Variants in EGLN1 observed in about 807,000 individuals in gnomAD.
EGLN1 encodes the protein egl nine homolog 1.
Under a neutral mutation model 38.3 loss-of-function variants are expected in EGLN1, and 17 were observed. That is an observed-to-expected ratio of 0.44 (90% confidence interval 0.30 to 0.67). The LOEUF (loss-of-function observed/expected upper bound fraction) is 0.67, where lower values mean the gene tolerates loss of function less well. Among genes scored for constraint, EGLN1 ranks in the 30% least tolerant of loss-of-function variants. The probability of loss-of-function intolerance (pLI) is 0.08; values close to 1 mark genes in which losing one functional copy is unlikely to be tolerated. For missense variants in EGLN1, 477 were observed against 603.3 expected, an observed-to-expected ratio of 0.79 and a Z score of 2.19; for synonymous variants, 283 against 257.5, an observed-to-expected ratio of 1.10 and a Z score of -0.95.
At chr1:231,381,072 A>C (rs983765192) in intron 1 of EGLN1, among the ~76,000 whole-genome samples, 4 of 151,990 alleles carry the variant, frequency 2.6e-5, no homozygotes, top group African/African-American at 9.7e-5. Context: ...ACACCTGGCT[A>C]ATTTTTTAAT....
chr1:231,389,448 CA>C (rs1471343985), intron 1 of EGLN1, among the ~76,000 whole-genome samples: 1 of 152,016 alleles, frequency 6.6e-6, no homozygotes, highest in African/African-American at 2.4e-5. Context: ...AAAATAGTGA[CA>C]GCAATATCCA....
intron 1 of EGLN1, among the ~76,000 whole-genome samples, chr1:231,410,722 A>G (rs1281441445): frequency 6.6e-6 from 1 of 152,068 alleles, no homozygotes; most frequent in Non-Finnish European, 1.5e-5. Context: ...GTTGAGGAAA[A>G]AAAGAAAACT....
chr1:231,396,926 ACT>A (rs151186750), intron 1 of EGLN1, among the ~76,000 whole-genome samples: 2 of 152,036 alleles, frequency 1.3e-5, no homozygotes, highest in South Asian at 4.2e-4. Context: ...AATCTGTATA[ACT>A]CTCTCTACCT....
At chr1:231,396,066 T>G (rs1291847770) in intron 1 of EGLN1, among the ~76,000 whole-genome samples, 1 of 151,970 alleles carries the variant, frequency 6.6e-6, no homozygotes. Flanking sequence ...ATAAATGTCT[T>G]TTAGTTCCAA....
At chr1:231,416,761 TCA>T (rs1323618819) in intron 1 of EGLN1, among the ~76,000 whole-genome samples, 3 of 152,220 alleles carry the variant, frequency 2.0e-5, no homozygotes, top group Non-Finnish European at 4.4e-5. Context: ...CAAAATGTTT[TCA>T]CATATAGTTG....
intron 1 of EGLN1, among the ~76,000 whole-genome samples, chr1:231,375,494 C>A (rs1362462215): frequency 6.6e-6 from 1 of 152,180 alleles, no homozygotes; most frequent in Non-Finnish European, 1.5e-5. Flanking sequence ...AACTCACTTC[C>A]CATCCCTAAG....
chr1:231,408,839 G>A (rs576401), intron 1 of EGLN1, among the ~76,000 whole-genome samples: 22,630 of 151,968 alleles, frequency 0.15, 2,058 homozygotes, highest in African/African-American at 0.24. Flanking sequence ...CAAGTTAGAG[G>A]ACCTTCTCAC....
intron 1 of EGLN1, among the ~76,000 whole-genome samples, chr1:231,377,383 GT>G (rs1432644469): frequency 6.6e-6 from 1 of 152,214 alleles, no homozygotes; most frequent in Non-Finnish European, 1.5e-5. Flanking sequence ...AGCTATTAAA[GT>G]TTCCGGGCAA....
chr1:231,369,713 C>A, intron 3 of EGLN1: 11 of 485,850 alleles, frequency 2.3e-5, no homozygotes, highest in Non-Finnish European at 2.9e-5. Flanking sequence ...CTCCACCCAG[C>A]GCATCTAAGC....
chr1:231,419,065 T>G, intron 1 of EGLN1, among the ~76,000 whole-genome samples: 1 of 152,150 alleles, frequency 6.6e-6, no homozygotes, highest in East Asian at 1.9e-4. Flanking sequence ...AGAAGTACAA[T>G]GAAAGGAATT....
At chr1:231,408,148 T>C (rs1041127956) in intron 1 of EGLN1, among the ~76,000 whole-genome samples, 4 of 152,172 alleles carry the variant, frequency 2.6e-5, no homozygotes, top group Non-Finnish European at 4.4e-5. Flanking sequence ...GTATAAAAGG[T>C]TTTTGAGAAA....
In EGLN1 at chr1:231,364,335, A is replaced by C. The variant is rs946707540; in HGVS notation, c.*2076T>G. On this transcript the variant is annotated 3_prime_UTR_variant, in exon 5 of 5. Transcript: ENST00000366641. ...AAACAATTTCTACTAACCCTAAAAA[A>C]GATAATGCTTTTGAGTTGTGGCCTA... The C allele has an allele frequency of 6.6e-6, 1 of 152,212 alleles. No homozygotes were observed. Among genetic ancestry groups the C allele is most frequent in the Non-Finnish European group, 1.5e-5 (1 of 68,042 alleles). 9.4% of individuals were successfully genotyped at this position (152,212 alleles called of 1,614,324 possible).
intron 1 of EGLN1, among the ~76,000 whole-genome samples, chr1:231,386,258 T>TTC (rs1273711174): frequency 6.6e-6 from 1 of 152,210 alleles, no homozygotes; most frequent in African/African-American, 2.4e-5. Context: ...AGAACTCTAG[T>TTC]TCACAGCATT....
At chr1:231,415,478 A>T (rs1009932445) in intron 1 of EGLN1, among the ~76,000 whole-genome samples, 1 of 152,136 alleles carries the variant, frequency 6.6e-6, no homozygotes, top group Admixed American at 6.6e-5. Context: ...AATGCAGGAA[A>T]AGTGGTTAGG....
At position 231,422,284 on chromosome 1, in the gene EGLN1, C is replaced by G. The variant is rs950943926; in HGVS notation, c.-396G>C. 6.5e-6 allele frequency: 1 copy of G among 153,228 alleles called. No individual in the cohort carries two copies. The highest frequency in any genetic ancestry group is 1.4e-5 in the Non-Finnish European group (1 of 69,142). 9.5% of individuals were successfully genotyped at this position (153,228 alleles called of 1,614,324 possible). On this transcript the variant is annotated 5_prime_UTR_variant, in exon 1 of 5. Transcript: ENST00000366641. Reference sequence around the variant, plus strand: ...GCAGGGCATACGGGCGCCACTCGCTCTGCGCGCTCTGCACGTACACCACGG... The same window carrying G: ...GCAGGGCATACGGGCGCCACTCGCTGTGCGCGCTCTGCACGTACACCACGG...
chr1:231,406,029 CTTTT>C (rs777315311), intron 1 of EGLN1, among the ~76,000 whole-genome samples: 12 of 68,720 alleles, frequency 1.7e-4, no homozygotes, highest in Non-Finnish European at 2.8e-4. Flanking sequence ...ATTACTAAGG[CTTTT>C]TTTTTTTTTT....
chr1:231,389,662 G>C (rs1572032299), intron 1 of EGLN1, among the ~76,000 whole-genome samples: 1 of 152,034 alleles, frequency 6.6e-6, no homozygotes, highest in Non-Finnish European at 1.5e-5. Flanking sequence ...GAACAGTGGG[G>C]CTCTGACCGG....
chr1:231,406,072 G>A (rs2013991), intron 1 of EGLN1, among the ~76,000 whole-genome samples: 1 of 133,304 alleles, frequency 7.5e-6, no homozygotes, highest in Non-Finnish European at 1.5e-5. Flanking sequence ...TGAGGCAGGA[G>A]AATGGCATGA....
rs904376903 is a variant in EGLN1, at chr1:231,363,993, C to T, written c.*2418G>A. On this transcript the variant is annotated 3_prime_UTR_variant, in exon 5 of 5. Coordinates refer to ENST00000366641, the MANE Select transcript of EGLN1 (RefSeq NM_022051.3). ...ACCAGGATTAAACACATATAGGCCACAAACAGTTTTAAATTTTGTTTGAAA... is the reference window on the plus strand; with the variant it reads ...ACCAGGATTAAACACATATAGGCCATAAACAGTTTTAAATTTTGTTTGAAA... 1 of 151,624 alleles carries T rather than the reference C, an allele frequency of 6.6e-6. No homozygotes were observed. The highest frequency in any genetic ancestry group is 1.5e-5 in the Non-Finnish European group (1 of 68,014). 9.4% of individuals were successfully genotyped at this position (151,624 alleles called of 1,614,324 possible).
Sources: gnomAD v4.1 joint callset for allele counts (sites outside exome capture counted in the v4.1 genomes callset) on GRCh38, gnomAD v4.1.1 for gene constraint, MANE v1.5 for transcripts, NCBI Gene and HGNC (gene_info 2026-07-23, HGNC 2026-07-21) for gene names.